Variants in IFT122 observed in about 807,000 individuals in gnomAD.
IFT122 encodes intraflagellar transport 122, also known as intraflagellar transport protein 122 homolog.
In IFT122, 118 loss-of-function variants were observed where a neutral mutation model predicts 161.6. The observed-to-expected ratio is 0.73, with a 90% CI of 0.63 to 0.85. The LOEUF (loss-of-function observed/expected upper bound fraction) is 0.85, where lower values mean the gene tolerates loss of function less well. Ranked by LOEUF, IFT122 falls within the 40% of genes least tolerant of loss-of-function variation. IFT122 has a pLI of 0.00. For missense variants in IFT122, 1,381 were observed against 1,579.6 expected, an observed-to-expected ratio of 0.87 and a Z score of 2.13; for synonymous variants, 550 against 602.4, an observed-to-expected ratio of 0.91 and a Z score of 1.27.
At chr3:129,463,349 A>G in intron 5 of IFT122, 1 of 531,424 alleles carries the variant, frequency 1.9e-6, no homozygotes, top group East Asian at 3.4e-5. Flanking sequence ...GGTAACCACA[A>G]ATCTGTTCTC....
intron 8 of IFT122, 131 bp from the exon 9 acceptor site, chr3:129,469,211 C>G (rs1159409589): frequency 1.3e-6 from 1 of 778,580 alleles, no homozygotes; most frequent in East Asian, 2.6e-5. Flanking sequence ...TAACTTTTGG[C>G]TTCAGTAAAG....
intron 11 of IFT122, among the ~76,000 whole-genome samples, chr3:129,477,406 G>T (rs2078085448): frequency 6.6e-6 from 1 of 152,230 alleles, no homozygotes; most frequent in South Asian, 2.1e-4. Context: ...TGGATGTGCT[G>T]GCCTTAGTGC....
At chr3:129,500,094 A>T in intron 19 of IFT122, 26 bp downstream of exon 19, 1 of 1,613,066 alleles carries the variant, frequency 6.2e-7, no homozygotes, top group African/African-American at 1.3e-5. Flanking sequence ...TGCCCCGAGA[A>T]GCATTTGGCA....
intron 15 of IFT122, among the ~76,000 whole-genome samples, chr3:129,484,226 G>T (rs1165364383): frequency 6.6e-6 from 1 of 152,080 alleles, no homozygotes; most frequent in African/African-American, 2.4e-5. Context: ...GGGGAGGGCA[G>T]AACCACAGAC....
chr3:129,453,781 T>C (rs147583970), intron 3 of IFT122, among the ~76,000 whole-genome samples: 13 of 152,140 alleles, frequency 8.5e-5, no homozygotes, highest in African/African-American at 2.2e-4. Flanking sequence ...AGGGAAGTGG[T>C]GCATGAAACT....
chr3:129,456,828 A>G (rs536206280), intron 3 of IFT122, among the ~76,000 whole-genome samples: 9 of 152,296 alleles, frequency 5.9e-5, no homozygotes, highest in Non-Finnish European at 1.3e-4. Context: ...AGGCAGGATA[A>G]TCGCTTGAAC....
At position 129,480,979 on chromosome 3, in the gene IFT122, A is replaced by G. The variant is rs368855664; in HGVS notation, c.1489-551A>G. On this transcript the variant is annotated intron_variant, in intron 13 of 29. Transcript: ENST00000348417. The stretch of plus-strand genomic sequence containing the variant: ...GAGATAGGAGGATCACTTTGAGCCC[A>G]GGAGTTTGAGGCTGCAGTGTGATAT... Among the ~76,000 whole-genome samples the G allele has an allele frequency of 1.7e-4, 26 of 152,318 alleles. No individual in the cohort carries two copies. The East Asian group carries it at 4.8e-3, about 28-fold the overall frequency.
chr3:129,506,963 C>T (rs1434959280), intron 22 of IFT122, among the ~76,000 whole-genome samples: 1 of 152,182 alleles, frequency 6.6e-6, no homozygotes, highest in East Asian at 1.9e-4. Flanking sequence ...CTTTCTTTCA[C>T]AAGACTTCCC....
At chr3:129,446,412 T>TCAC (rs1166174552) in intron 1 of IFT122, among the ~76,000 whole-genome samples, 2 of 146,590 alleles carry the variant, frequency 1.4e-5, no homozygotes, top group Non-Finnish European at 3.0e-5. Flanking sequence ...AGACGGGGTT[T>TCAC]CACCGTGTTA....
In IFT122 at chr3:129,506,470, T is replaced by A; in HGVS notation, c.2712T>A (p.Asn904Lys). 4 of 1,614,226 alleles carry A rather than the reference T, an allele frequency of 2.5e-6. No homozygotes were observed. The highest frequency in any genetic ancestry group is 3.4e-6 in the Non-Finnish European group (4 of 1,180,040). ...AVQVLEQLTN[N>K]AVAESRFNDA... ...AGGTGCTGGAGCAGCTCACAAACAA[T>A]GCCGTGGCGGAGAGCAGGTTTAATG... The change falls in exon 22 of 30, where the codon AAT becomes AAA. Residue 904 changes from asparagine (N) to lysine (K), a missense_variant. By Grantham distance (94) the Asn-to-Lys change is moderately conservative (BLOSUM62 0). Around this residue, in one of 7 missense-constraint regions of IFT122, gnomAD observed 496 missense variants for 502.5 expected, o/e 0.99. Transcript: ENST00000348417.
chr3:129,476,767 C>T lies in IFT122; in HGVS notation c.1113C>T (p.Asp371=), dbSNP rs139319087. The T allele has an allele frequency of 7.4e-4, 1,202 of 1,614,130 alleles. 5 individuals carry two copies. In the African/African-American group the frequency reaches 0.013, roughly 18 times the overall value. ...DRYAYRDSMT[D]VIVQHLITEQ... ...ATGCCTACAGGGATAGCATGACTGACGTCATTGTGCAGCACCTGATCACTG... is the reference window on the plus strand; with the variant it reads ...ATGCCTACAGGGATAGCATGACTGATGTCATTGTGCAGCACCTGATCACTG... Residue 371 remains aspartate, a synonymous_variant, in exon 11 of 30, where the codon GAC becomes GAT. Transcript: ENST00000348417.
chr3:129,448,958 C>G (rs890193222), intron 1 of IFT122, among the ~76,000 whole-genome samples: 1 of 152,220 alleles, frequency 6.6e-6, no homozygotes, highest in Non-Finnish European at 1.5e-5. Flanking sequence ...CTTGGCCTCC[C>G]AGAGTGCTGG....
At chr3:129,449,607 G>A (rs968755563) in intron 1 of IFT122, among the ~76,000 whole-genome samples, 3 of 152,170 alleles carry the variant, frequency 2.0e-5, no homozygotes, top group African/African-American at 7.2e-5. Context: ...CTCAACAGTT[G>A]ACCCTTTGAA....
Position 129,519,548 on chromosome 3 carries a change from C to T in IFT122, c.3472-20C>T, listed in dbSNP as rs751967135. On this transcript the variant is annotated intron_variant, in intron 28 of 29. Transcript: ENST00000348417. ...GTGGCTGAGTGAGGACACTGTGCCT[C>T]CTTCCCGCCCACCCTGCAGCAAGGT... The T allele has an allele frequency of 1.9e-6, 3 of 1,612,234 alleles. No individual in the cohort carries two copies. Among genetic ancestry groups the T allele is most frequent in the South Asian group, 1.1e-5 (1 of 91,016 alleles).
chr3:129,495,857 TG>T (rs2080776960), intron 18 of IFT122, among the ~76,000 whole-genome samples: 1 of 152,236 alleles, frequency 6.6e-6, no homozygotes, highest in Admixed American at 6.5e-5. Context: ...GTGACAGGGC[TG>T]GATGGCTGTG....
At chr3:129,461,406 A>C in intron 5 of IFT122, 102 bp downstream of exon 5, 1 of 856,460 alleles carries the variant, frequency 1.2e-6, no homozygotes, top group Non-Finnish European at 2.0e-6. Flanking sequence ...TGAGAGAGTT[A>C]ATACTACTTC....
At chr3:129,462,073 A>G (rs2076268384) in intron 5 of IFT122, among the ~76,000 whole-genome samples, 1 of 152,200 alleles carries the variant, frequency 6.6e-6, no homozygotes, top group Admixed American at 6.5e-5. Context: ...CATGCTACTC[A>G]CTGTGTCTCA....
chr3:129,496,536 GA>G (rs2080867782), intron 18 of IFT122, among the ~76,000 whole-genome samples: 1 of 152,156 alleles, frequency 6.6e-6, no homozygotes, highest in Admixed American at 6.5e-5. Context: ...GTTCAAGATG[GA>G]AAATCTTCCC....
At chr3:129,463,491 T>C in intron 5 of IFT122, 69 bp from the exon 6 acceptor site, 2 of 1,230,294 alleles carry the variant, frequency 1.6e-6, no homozygotes, top group Admixed American at 3.4e-5. Context: ...GTTTCAATTA[T>C]TTGTTCCTTT....
Sources: allele counts gnomAD v4.1 joint callset (sites outside exome capture counted in the v4.1 genomes callset), GRCh38; gene constraint gnomAD v4.1.1; regional missense constraint gnomAD v4.1.1; transcripts MANE v1.5; gene names NCBI Gene and HGNC (gene_info 2026-07-23, HGNC 2026-07-21).